SYNPO2: variants seen among roughly 807,000 people sequenced by gnomAD.
SYNPO2 encodes synaptopodin-2.
SYNPO2 carries 56 observed loss-of-function variants against 85.0 expected under a neutral mutation model. The ratio of observed to expected loss-of-function variants is 0.66; its 90% CI spans 0.53 to 0.82. SYNPO2 has a LOEUF of 0.82. SYNPO2 is among the 40% of genes least tolerant of loss of function. SYNPO2 has a pLI of 0.00. For synonymous variants in SYNPO2, 602 were observed against 591.1 expected, an observed-to-expected ratio of 1.02 and a Z score of -0.27; for missense variants, 1,575 against 1,534.2, an observed-to-expected ratio of 1.03 and a Z score of -0.44.
chr4:118,976,649 A>G (rs1735756201), intron 1 of SYNPO2, among the ~76,000 whole-genome samples: 1 of 152,080 alleles, frequency 6.6e-6, no homozygotes, highest in Non-Finnish European at 1.5e-5. Context: ...TTAGATACAG[A>G]GTTTCCACAC....
At chr4:118,914,801 G>T (rs1328353723) in intron 1 of SYNPO2, among the ~76,000 whole-genome samples, 1 of 152,010 alleles carries the variant, frequency 6.6e-6, no homozygotes, top group Non-Finnish European at 1.5e-5. Context: ...GGAAAAGATG[G>T]CCCAGGAAAG....
In SYNPO2 at chr4:119,057,440, C is replaced by T. The variant is rs148272751; in HGVS notation, c.3292C>T (p.Pro1098Ser). ...CCTTTCTCTTCCTGGAAGATCAGTC[C>T]CACCCCCCATTTCTACATCTCCTTG... ...RSLSLPGRSV[P>S]PPISTSPWVY... The change falls in exon 5 of 5, where the codon CCA becomes TCA. Residue 1098 changes from proline to serine, a missense_variant. Pro to Ser is a moderately conservative substitution (Grantham distance 74). Coordinates refer to ENST00000307142, the MANE Select transcript of SYNPO2 (RefSeq NM_133477.3). 4 of 1,612,052 alleles carry T rather than the reference C, an allele frequency of 2.5e-6. No homozygotes were observed. The highest frequency in any genetic ancestry group is 2.7e-5 in the African/African-American group (2 of 74,694).
At chr4:118,964,300 ACACACAC>A (rs1560918166) in intron 1 of SYNPO2, among the ~76,000 whole-genome samples, 22 of 10,988 alleles carry the variant, frequency 2.0e-3, no homozygotes, top group Admixed American at 2.7e-3. Context: ...CACACACAAC[ACACACAC>A]ACACACACAC....
chr4:119,003,099 T>A (rs923104278), intron 1 of SYNPO2, among the ~76,000 whole-genome samples: 13 of 152,168 alleles, frequency 8.5e-5, no homozygotes, highest in African/African-American at 3.1e-4. Flanking sequence ...TCCACTGCTG[T>A]ATTAGTCACA....
chr4:119,024,664 A>G lies in SYNPO2; in HGVS notation c.257+1083A>G, dbSNP rs1464865194. Among the ~76,000 whole-genome samples the G allele has an allele frequency of 5.5e-5, 8 of 146,492 alleles. No homozygotes were observed. In the Admixed American group the frequency reaches 5.6e-4, roughly 10 times the overall value. ...AGTTTATAAAATACATAATTTACTA[A>G]TACATAATTAAATTTATAAAATAAA... On this transcript the variant is annotated intron_variant, in intron 2 of 4. Transcript: ENST00000307142.
chr4:118,900,697 CTCTCTCTATATATATATA>C (rs1214422340), intron 1 of SYNPO2, among the ~76,000 whole-genome samples: 31 of 37,174 alleles, frequency 8.3e-4, no homozygotes, highest in South Asian at 2.3e-3. Flanking sequence ...CTCTCTCTCT[CTCTCTCTATATATATATA>C]TATATATATA....
In SYNPO2 at chr4:119,026,808, AG is replaced by A. The variant is rs1553947788; in HGVS notation, c.440del (p.Arg147LysfsTer10). 1 of 624,754 alleles carries A rather than the reference AG, an allele frequency of 1.6e-6. No individual in the cohort carries two copies. Among genetic ancestry groups the A allele is most frequent in the Non-Finnish European group, 2.2e-6 (1 of 447,222 alleles). The allele number at this position is 624,754 out of a possible 1,614,324, so 38.7% of individuals were successfully genotyped here. A position where few individuals can be genotyped will look rare whatever the true frequency, so the allele number is the denominator to read the frequency against. On this transcript the variant is annotated frameshift_variant, in exon 3 of 5. Coordinates refer to ENST00000307142, the MANE Select transcript of SYNPO2 (RefSeq NM_133477.3). LOFTEE classifies it high-confidence loss of function. ...TGAAGTTCCCCTAGCTGAGAACCAAAGAAGTGGTCCCGACTGTGCAGGCAGC... is the reference window on the plus strand; with the variant it reads ...TGAAGTTCCCCTAGCTGAGAACCAAAAAGTGGTCCCGACTGTGCAGGCAGC... ...KTEVPLAENQ[R>X]SGPDCAGSLK...
chr4:118,930,386 C>T (rs1733882604), intron 1 of SYNPO2, among the ~76,000 whole-genome samples: 1 of 152,120 alleles, frequency 6.6e-6, no homozygotes, highest in South Asian at 2.1e-4. Flanking sequence ...CCCACCCTTA[C>T]TTAAACTGTG....
intron 1 of SYNPO2, among the ~76,000 whole-genome samples, chr4:118,865,261 A>G (rs1393010950): frequency 6.6e-6 from 1 of 152,220 alleles, no homozygotes; most frequent in Non-Finnish European, 1.5e-5. Flanking sequence ...AGCAGGTAGG[A>G]GCAAGTCTCC....
intron 1 of SYNPO2, among the ~76,000 whole-genome samples, chr4:118,871,790 C>T (rs1341480198): frequency 1.3e-5 from 2 of 152,070 alleles, no homozygotes; most frequent in South Asian, 2.1e-4. Context: ...AGGATGATCT[C>T]GATCTCCTGA....
At chr4:118,912,130 C>T (rs930409316) in intron 1 of SYNPO2, among the ~76,000 whole-genome samples, 6 of 152,140 alleles carry the variant, frequency 3.9e-5, no homozygotes, top group African/African-American at 9.7e-5. Context: ...GTTCTGATCA[C>T]GAGATGCAAT....
intron 4 of SYNPO2, among the ~76,000 whole-genome samples, chr4:119,046,707 A>G (rs1010714558): frequency 1.3e-5 from 2 of 152,232 alleles, no homozygotes; most frequent in South Asian, 4.1e-4. Flanking sequence ...CAATACTCCC[A>G]TCTTACAATT....
chr4:119,036,038 T>G (rs77126210), intron 4 of SYNPO2: 2 of 985,354 alleles, frequency 2.0e-6, no homozygotes, highest in Non-Finnish European at 2.4e-6. Context: ...ATTTCTCAAA[T>G]AAAGGCCCTT....
At chr4:118,888,759 C>T, upstream of SYNPO2, 1 of 461,822 alleles carries the variant, frequency 2.2e-6, no homozygotes, top group Non-Finnish European at 3.9e-6. Context: ...TTCCTTTCCT[C>T]GAAGGTGGGC....
intron 1 of SYNPO2, among the ~76,000 whole-genome samples, chr4:118,923,902 A>C (rs1346263315): frequency 6.6e-6 from 1 of 152,092 alleles, no homozygotes; most frequent in African/African-American, 2.4e-5. Context: ...AAAAAAAAAA[A>C]AAAACCTGAG....
intron 1 of SYNPO2, among the ~76,000 whole-genome samples, chr4:118,984,290 C>T (rs2149164528): frequency 6.6e-6 from 1 of 152,230 alleles, no homozygotes; most frequent in South Asian, 2.1e-4. Flanking sequence ...CATCTTGTTC[C>T]TTTAAAATGC....
chr4:118,990,004 A>G (rs1736352325), intron 1 of SYNPO2, among the ~76,000 whole-genome samples: 1 of 152,258 alleles, frequency 6.6e-6, no homozygotes, highest in Non-Finnish European at 1.5e-5. Context: ...AAGGTGAGAC[A>G]TATTTGTAAA....
chr4:118,864,613 G>A (rs933185476), intron 1 of SYNPO2, among the ~76,000 whole-genome samples: 7 of 152,054 alleles, frequency 4.6e-5, no homozygotes, highest in African/African-American at 1.2e-4. Flanking sequence ...TTATATATCC[G>A]GGTGCGTGCT....
At chr4:118,976,590 ACAATCCCTGAG>A (rs983064322) in intron 1 of SYNPO2, among the ~76,000 whole-genome samples, 1 of 152,138 alleles carries the variant, frequency 6.6e-6, no homozygotes, top group Non-Finnish European at 1.5e-5. Context: ...TGGTGCATTT[ACAATCCCTGAG>A]CTAGATACAA....
Sources: allele counts gnomAD v4.1 joint callset (sites outside exome capture counted in the v4.1 genomes callset), GRCh38; gene constraint gnomAD v4.1.1; transcripts MANE v1.5; gene names NCBI Gene and HGNC (gene_info 2026-07-23, HGNC 2026-07-21).